Variants in ADAMTS4 observed in about 807,000 individuals in gnomAD.
ADAMTS4 encodes A disintegrin and metalloproteinase with thrombospondin motifs 4.
Under a neutral mutation model 66.7 loss-of-function variants are expected in ADAMTS4, and 38 were observed. The observed-to-expected ratio is 0.57, with a 90% confidence interval of 0.44 to 0.75. The LOEUF (loss-of-function observed/expected upper bound fraction) is 0.75, where lower values mean the gene tolerates loss of function less well. Among genes scored for constraint, ADAMTS4 ranks in the 30% least tolerant of loss-of-function variants. The pLI, the probability that ADAMTS4 is intolerant of heterozygous loss-of-function variation, is 0.00. For missense variants in ADAMTS4, 1,014 were observed against 1,116.7 expected (o/e 0.91, Z 1.31); for synonymous variants, 418 against 461.5 (o/e 0.91, Z 1.21).
At position 161,196,641 on chromosome 1, in the gene ADAMTS4, G is replaced by A. The variant is rs1282484031; in HGVS notation, c.873C>T (p.Ser291=). The change falls in exon 2 of 9, where the codon AGC becomes AGT. Residue 291 remains serine (S), a synonymous_variant. Coordinates refer to ENST00000367996, the MANE Select transcript of ADAMTS4 (RefSeq NM_005099.6). The stretch of plus-strand genomic sequence containing the variant: ...TGAGGCCCCGCTGCCAGGCACAGAA[G>A]CTGCGCAGGGTCTGGGCAGCACTGG... The part of the protein sequence containing the change: ...VGPSAAQTLR[S]FCAWQRGLNT... The A allele has an allele frequency of 1.2e-6, 2 of 1,614,180 alleles. No homozygotes were observed. Among genetic ancestry groups the A allele is most frequent in the East Asian group, 4.5e-5 (2 of 44,880 alleles).
intron 3 of ADAMTS4, 146 bp from the exon 4 acceptor site, chr1:161,195,781 A>C: frequency 2.7e-6 from 2 of 731,728 alleles, no homozygotes; most frequent in Non-Finnish European, 4.3e-6. Context: ...TGGTACTCTC[A>C]GGGCTCCCAG....
In ADAMTS4 at chr1:161,193,064, G is replaced by A; in HGVS notation, c.1911+149C>T. ...TGGGGCTCGTTTTCCTGATACCCAT[G>A]TACAGATAAGTCTGAGTGGAATCCT... On this transcript the variant is annotated intron_variant, in intron 7 of 8. Coordinates refer to ENST00000367996, the MANE Select transcript of ADAMTS4 (RefSeq NM_005099.6). The surrounding 1 kb of genome is among the most constrained non-coding windows in gnomAD (Gnocchi z 4.4). 1 of 852,882 alleles carries A rather than the reference G, an allele frequency of 1.2e-6. No individual in the cohort carries two copies. The highest frequency in any genetic ancestry group is 1.8e-6 in the Non-Finnish European group (1 of 568,508). The allele number at this position is 852,882 out of a possible 1,614,324, so 52.8% of individuals were successfully genotyped here.
In ADAMTS4 at chr1:161,191,184, T is replaced by C. The variant is rs200302452; in HGVS notation, c.2468A>G (p.Gln823Arg). ...TPQDWLHRRA[Q>R]ILEILRRRPW... ...GCGCCGCCGAAGGATCTCCAGAATC[T>C]GTGCTCTTCGGTGCAGCCAGTCCTG... Residue 823 changes from glutamine (Q) to arginine (R), a missense_variant, in exon 9 of 9, where the codon CAG becomes CGG. By Grantham distance (43) the Gln-to-Arg change is conservative. Coordinates refer to ENST00000367996, the MANE Select transcript of ADAMTS4 (RefSeq NM_005099.6). 1.4e-5 allele frequency: 23 copies of C among 1,589,108 alleles called. No individual in the cohort carries two copies. Among genetic ancestry groups the C allele is most frequent in the Middle Eastern group, 1.7e-4 (1 of 5,956 alleles).
At position 161,198,717 on chromosome 1, in the gene ADAMTS4, T is replaced by C. The variant is rs1571591696; in HGVS notation, c.-90A>G. 2 of 1,262,798 alleles carry C rather than the reference T, an allele frequency of 1.6e-6. No homozygotes were observed. The allele number at this position is 1,262,798 out of a possible 1,614,324, so 78.2% of individuals were successfully genotyped here. ...CTTTGGAAAGCTCCTCTCTGTAGCC[T>C]GGGGGCTTGGACTCCTGCCAAGGTC... On this transcript the variant is annotated 5_prime_UTR_variant, in exon 1 of 9. Transcript: ENST00000367996. This position sits in a 1 kb window ranked among gnomAD's most constrained non-coding sequence, Gnocchi z 4.7.
In ADAMTS4 at chr1:161,186,244, A is replaced by C. The variant is rs1432661027; in HGVS notation, c.*4894T>G. 6.6e-6 allele frequency: 1 copy of C among 152,220 alleles called. No individual in the cohort carries two copies. Among genetic ancestry groups the C allele is most frequent in the Non-Finnish European group, 1.5e-5 (1 of 68,040 alleles). The allele number at this position is 152,220 out of a possible 1,614,324, so 9.4% of individuals were successfully genotyped here. A position where few individuals can be genotyped will look rare whatever the true frequency, so the allele number is the denominator to read the frequency against. ...CTTACAGGGAGATATGTGCCCCCCC[A>C]CAATCCCATCCCTAGCAAGAACTTG... On this transcript the variant is annotated 3_prime_UTR_variant, in exon 9 of 9. Transcript: ENST00000367996.
Position 161,196,211 on chromosome 1 carries a change from A to G in ADAMTS4, c.1050T>C (p.Asp350=). 6.2e-7 allele frequency: 1 copy of G among 1,612,546 alleles called. No homozygotes were observed. Among genetic ancestry groups the G allele is most frequent in the Non-Finnish European group, 8.5e-7 (1 of 1,179,478 alleles). Residue 350 remains aspartate (D), a synonymous_variant, in exon 3 of 9, where the codon GAT becomes GAC. Coordinates refer to ENST00000367996, the MANE Select transcript of ADAMTS4 (RefSeq NM_005099.6). ...DPARSCAIVE[D]DGLQSAFTAA... The stretch of plus-strand genomic sequence containing the variant: ...CAGTGAAGGCTGACTGGAGCCCATC[A>G]TCCTCCACAATGGCACAGCTCCGAG...
intron 1 of ADAMTS4, chr1:161,197,123 G>A: frequency 2.0e-6 from 1 of 500,228 alleles, no homozygotes; most frequent in South Asian, 2.4e-5. Context: ...AGGAGAAGGG[G>A]ACGCCACATC....
At position 161,193,438 on chromosome 1, in the gene ADAMTS4, C is replaced by T; in HGVS notation, c.1736-50G>A. ...CCCTCCTTCCTTCCTCACATCACCCCACATCCCTCCACCCAACCCCTGAGA... is the reference window on the plus strand; with the variant it reads ...CCCTCCTTCCTTCCTCACATCACCCTACATCCCTCCACCCAACCCCTGAGA... On this transcript the variant is annotated intron_variant, in intron 6 of 8. Transcript: ENST00000367996. This position sits in a 1 kb window ranked among gnomAD's most constrained non-coding sequence, Gnocchi z 4.4. 6.3e-7 allele frequency: 1 copy of T among 1,586,354 alleles called. No homozygotes were observed. The highest frequency in any genetic ancestry group is 8.6e-7 in the Non-Finnish European group (1 of 1,164,678).
At position 161,198,104 on chromosome 1, in the gene ADAMTS4, C is replaced by A; in HGVS notation, c.524G>T (p.Gly175Val). The stretch of plus-strand genomic sequence containing the variant: ...CCGGCGTAGGATGTGAGCCCCAGGT[C>A]CCCCAGCAGAGTTAGGGGTGCCTCC... ...LEGGTPNSAGGPGAHILRRKS... is the reference protein window; with the variant it reads ...LEGGTPNSAGVPGAHILRRKS... Residue 175 changes from glycine (G) to valine (V), a missense_variant, in exon 1 of 9, where the codon GGA (glycine) becomes GTA (valine). Coordinates refer to ENST00000367996, the MANE Select transcript of ADAMTS4 (RefSeq NM_005099.6). The surrounding 1 kb of genome is among the most constrained non-coding windows in gnomAD (Gnocchi z 4.7). 1.2e-6 allele frequency: 2 copies of A among 1,613,618 alleles called. No individual in the cohort carries two copies. Among genetic ancestry groups the A allele is most frequent in the Non-Finnish European group, 1.7e-6 (2 of 1,179,742 alleles).
rs1303151696 is a variant in ADAMTS4, at chr1:161,198,117, T to C, written c.511A>G (p.Asn171Asp). 1 of 1,613,914 alleles carries C rather than the reference T, an allele frequency of 6.2e-7. No homozygotes were observed. The highest frequency in any genetic ancestry group is 1.3e-5 in the African/African-American group (1 of 74,994). The change falls in exon 1 of 9, where the codon AAC becomes GAC. Residue 171 changes from asparagine to aspartate, a missense_variant. Coordinates refer to ENST00000367996, the MANE Select transcript of ADAMTS4 (RefSeq NM_005099.6). This position sits in a 1 kb window ranked among gnomAD's most constrained non-coding sequence, Gnocchi z 4.7. ...TGAGCCCCAGGTCCCCCAGCAGAGT[T>C]AGGGGTGCCTCCCTCCAGGGGCTGG... ...HLQPLEGGTP[N>D]SAGGPGAHIL... is the part of the protein sequence containing the mutation.
rs1171877720 is a variant in ADAMTS4 at position 161,190,349 on chromosome 1, A to G, written c.*789T>C. On this transcript the variant is annotated 3_prime_UTR_variant, in exon 9 of 9. Coordinates refer to ENST00000367996, the MANE Select transcript of ADAMTS4 (RefSeq NM_005099.6). Reference sequence around the variant, plus strand: ...CAATAGCGAGACTCTGTCTCCAAACAAAACAAAACAAAAATTAGCCGGGCG... The same window carrying G: ...CAATAGCGAGACTCTGTCTCCAAACGAAACAAAACAAAAATTAGCCGGGCG... 6.7e-6 allele frequency: 1 copy of G among 148,832 alleles called. No individual in the cohort carries two copies. The highest frequency in any genetic ancestry group is 1.5e-5 in the Non-Finnish European group (1 of 67,118). The allele number at this position is 148,832 out of a possible 1,614,324, so 9.2% of individuals were successfully genotyped here. A position where few individuals can be genotyped will look rare whatever the true frequency, so the allele number is the denominator to read the frequency against.
rs113278384 is a variant in ADAMTS4 at position 161,191,396 on chromosome 1, T to G, written c.2256A>C (p.Val752=). 1.3e-5 allele frequency: 21 copies of G among 1,614,108 alleles called. No individual in the cohort carries two copies. The African/African-American group carries it at 1.6e-4, about 12-fold the overall frequency. The part of the protein sequence containing the change: ...YTLMPSPTDV[V]LPGAVSLRYS... ...AGCGCAAGCTGACTGCCCCAGGCAG[T>G]ACCACATCTGTGGGGGAGGGCATCA... Residue 752 remains valine (V), a synonymous_variant, in exon 9 of 9, where the codon GTA becomes GTC. Coordinates refer to ENST00000367996, the MANE Select transcript of ADAMTS4 (RefSeq NM_005099.6).
rs143383079 is a variant in ADAMTS4 at position 161,196,548 on chromosome 1, G to A, written c.957+9C>T. 1.1e-5 allele frequency: 18 copies of A among 1,613,484 alleles called. No homozygotes were observed. In the South Asian group the frequency reaches 1.9e-4, roughly 17 times the overall value. ...AGTGCATGGCCTGCGGTGCTGACTG[G>A]GGCCTCACCTGACGGGTAAACAGAA... On this transcript the variant is annotated intron_variant, in intron 2 of 8. Transcript: ENST00000367996.
chr1:161,198,849 T>A lies in ADAMTS4; in HGVS notation c.-222A>T. 2.1e-6 allele frequency: 1 copy of A among 474,076 alleles called. No homozygotes were observed. The highest frequency in any genetic ancestry group is 3.7e-6 in the Non-Finnish European group (1 of 269,990). 29.4% of individuals were successfully genotyped at this position (474,076 alleles called of 1,614,324 possible). A position where few individuals can be genotyped will look rare whatever the true frequency, so the allele number is the denominator to read the frequency against. On this transcript the variant is annotated 5_prime_UTR_variant, in exon 1 of 9. Coordinates refer to ENST00000367996, the MANE Select transcript of ADAMTS4 (RefSeq NM_005099.6). The surrounding 1 kb of genome is among the most constrained non-coding windows in gnomAD (Gnocchi z 4.7). ...GGGGTCTGGCTTCTCCAAACTCTCC[T>A]CCTGAGCCCTCCTTTCCTGGATCTT... is the stretch of plus-strand genomic sequence containing the variant.
rs529513792 is a variant in ADAMTS4, at chr1:161,186,189, G to A, written c.*4949C>T. ...CTCAGGCCCACGAGGGCAATAAGTA[G>A]GCAGATGGGAAACAGAGCTCACTGT... On this transcript the variant is annotated 3_prime_UTR_variant, in exon 9 of 9. Coordinates refer to ENST00000367996, the MANE Select transcript of ADAMTS4 (RefSeq NM_005099.6). The A allele has an allele frequency of 3.3e-5, 5 of 152,320 alleles. No homozygotes were observed. The highest frequency in any genetic ancestry group is 1.2e-4 in the African/African-American group (5 of 41,554). The allele number at this position is 152,320 out of a possible 1,614,324, so 9.4% of individuals were successfully genotyped here.
Position 161,193,089 on chromosome 1 carries a change from T to C in ADAMTS4, c.1911+124A>G. On this transcript the variant is annotated intron_variant, in intron 7 of 8. Transcript: ENST00000367996. The surrounding 1 kb of genome is among the most constrained non-coding windows in gnomAD (Gnocchi z 4.4). ...GTACAGATAAGTCTGAGTGGAATCC[T>C]GGACTGGGCTGGCGTGGCTGTAGGA... is the stretch of plus-strand genomic sequence containing the variant. 8.9e-7 allele frequency: 1 copy of C among 1,125,306 alleles called. No individual in the cohort carries two copies. The highest frequency in any genetic ancestry group is 1.2e-6 in the Non-Finnish European group (1 of 811,586). The allele number at this position is 1,125,306 out of a possible 1,614,324, so 69.7% of individuals were successfully genotyped here. A position where few individuals can be genotyped will look rare whatever the true frequency, so the allele number is the denominator to read the frequency against.
chr1:161,197,665 G>C (rs1417131918), intron 1 of ADAMTS4, among the ~76,000 whole-genome samples: 1 of 152,130 alleles, frequency 6.6e-6, no homozygotes, highest in African/African-American at 2.4e-5. Context: ...AAGGCCAAGG[G>C]GCTGTTAGGA....
At position 161,191,042 on chromosome 1, in the gene ADAMTS4, A is replaced by G; in HGVS notation, c.*96T>C. ...GGTCTCACGCCCACAGCCCCTCCCCACTGAGTCTTAGCATGAGGCAGCAAC... is the reference window on the plus strand; with the variant it reads ...GGTCTCACGCCCACAGCCCCTCCCCGCTGAGTCTTAGCATGAGGCAGCAAC... On this transcript the variant is annotated 3_prime_UTR_variant, in exon 9 of 9. Transcript: ENST00000367996. 1.4e-6 allele frequency: 2 copies of G among 1,388,508 alleles called. No individual in the cohort carries two copies. Among genetic ancestry groups the G allele is most frequent in the Admixed American group, 2.4e-5 (1 of 42,018 alleles). 86.0% of individuals were successfully genotyped at this position (1,388,508 alleles called of 1,614,324 possible). A position where few individuals can be genotyped will look rare whatever the true frequency, so the allele number is the denominator to read the frequency against.
At chr1:161,197,016 G>A in intron 1 of ADAMTS4, 136 bp from the exon 2 acceptor site, 2 of 824,036 alleles carry the variant, frequency 2.4e-6, no homozygotes, top group Non-Finnish European at 3.8e-6. Context: ...CGGGATTCCT[G>A]ACTCCTGGCG....
Sources: gnomAD v4.1 joint callset for allele counts (sites outside exome capture counted in the v4.1 genomes callset) on GRCh38, gnomAD v4.1.1 for gene constraint, Gnocchi (gnomAD v3.1) non-coding constraint, MANE v1.5 for transcripts, NCBI Gene and HGNC (gene_info 2026-07-23, HGNC 2026-07-21) for gene names.